ZBTB20: variants seen among roughly 807,000 people sequenced by gnomAD.
ZBTB20 encodes zinc finger and BTB domain containing 20.
A neutral mutation model predicts 56.9 loss-of-function variants in ZBTB20; 9 were observed. The ratio of observed to expected loss-of-function variants is 0.16; its 90% confidence interval spans 0.10 to 0.28. The LOEUF is 0.28. Among genes scored for constraint, ZBTB20 ranks in the 10% least tolerant of loss-of-function variants. ZBTB20 has a pLI of 1.00. For missense variants in ZBTB20, 655 were observed against 1,003.0 expected (o/e 0.65, Z 4.69); for synonymous variants, 417 against 420.7 (o/e 0.99, Z 0.11).
At chr3:114,807,404 C>T (rs1465754604) in intron 4 of ZBTB20, among the ~76,000 whole-genome samples, 4 of 151,840 alleles carry the variant, frequency 2.6e-5, no homozygotes, top group East Asian at 1.9e-4. Context: ...GCTGGTCTGT[C>T]TAACCCTTCT....
chr3:114,652,614 T>C (rs1421379996), intron 6 of ZBTB20, among the ~76,000 whole-genome samples: 1 of 152,016 alleles, frequency 6.6e-6, no homozygotes, highest in African/African-American at 2.4e-5. Context: ...ACAGAAAGTC[T>C]TGAAATTAGG....
chr3:114,406,045 T>C (rs765209993), intron 7 of ZBTB20, among the ~76,000 whole-genome samples: 14 of 150,560 alleles, frequency 9.3e-5, no homozygotes, highest in Non-Finnish European at 1.8e-4. Flanking sequence ...GTAGAAACAC[T>C]GGGTAAATGT....
At position 114,323,734 on chromosome 3, in the gene ZBTB20, G is replaced by A. The variant is rs1421596957; in HGVS notation, c.*15271C>T. On this transcript the variant is annotated 3_prime_UTR_variant, in exon 12 of 12. Transcript: ENST00000675478. Reference sequence around the variant, plus strand: ...TCAGCTTCTTTACAGTAAGAAAACAGATCCTATCAGCATGGTGGTTCCTAG... The same window carrying A: ...TCAGCTTCTTTACAGTAAGAAAACAAATCCTATCAGCATGGTGGTTCCTAG... The A allele has an allele frequency of 6.6e-6, 1 of 152,152 alleles. No individual in the cohort carries two copies. Among genetic ancestry groups the A allele is most frequent in the African/African-American group, 2.4e-5 (1 of 41,448 alleles). The allele number at this position is 152,152 out of a possible 1,614,324, so 9.4% of individuals were successfully genotyped here.
chr3:114,991,231 T>C (rs1371775280), intron 2 of ZBTB20, among the ~76,000 whole-genome samples: 1 of 152,198 alleles, frequency 6.6e-6, no homozygotes, highest in Admixed American at 6.5e-5. Flanking sequence ...CTGCTTTCTC[T>C]TGTGGGCATT....
At chr3:114,984,265 T>A (rs928441890) in intron 2 of ZBTB20, among the ~76,000 whole-genome samples, 1 of 152,000 alleles carries the variant, frequency 6.6e-6, no homozygotes. Context: ...ATATATATAT[T>A]TTTATTATAC....
chr3:114,917,245 A>T (rs756558726), intron 3 of ZBTB20, among the ~76,000 whole-genome samples: 11 of 152,248 alleles, frequency 7.2e-5, no homozygotes, highest in Non-Finnish European at 1.2e-4. Flanking sequence ...CTATTTGTTA[A>T]ATTTGTCTGA....
At chr3:114,764,331 G>C (rs1478192251) in intron 5 of ZBTB20, among the ~76,000 whole-genome samples, 1 of 151,128 alleles carries the variant, frequency 6.6e-6, no homozygotes, top group Non-Finnish European at 1.5e-5. Flanking sequence ...TATGCTCACT[G>C]TGGCAGAAGT....
chr3:114,829,843 G>GT (rs902109400), intron 4 of ZBTB20, among the ~76,000 whole-genome samples: 101 of 151,708 alleles, frequency 6.7e-4, no homozygotes, highest in Middle Eastern at 3.4e-3. Flanking sequence ...GTGCTGCTTG[G>GT]TTTTTCATAA....
chr3:115,081,962 A>G (rs2082812841), intron 1 of ZBTB20, among the ~76,000 whole-genome samples: 1 of 152,192 alleles, frequency 6.6e-6, no homozygotes, highest in African/African-American at 2.4e-5. Context: ...TATAGATAGC[A>G]TCTACATTTA....
chr3:114,848,408 A>G (rs1036459923), intron 4 of ZBTB20, among the ~76,000 whole-genome samples: 1 of 152,216 alleles, frequency 6.6e-6, no homozygotes, highest in Non-Finnish European at 1.5e-5. Context: ...AGTGCAAGTC[A>G]GCCTGATTAT....
intron 5 of ZBTB20, among the ~76,000 whole-genome samples, chr3:114,712,795 T>C (rs2108447362): frequency 6.6e-6 from 1 of 152,324 alleles, no homozygotes; most frequent in East Asian, 1.9e-4. Flanking sequence ...AAATATATAA[T>C]GTAACTATTA....
chr3:114,855,061 A>G (rs2075182337), intron 4 of ZBTB20, among the ~76,000 whole-genome samples: 2 of 152,182 alleles, frequency 1.3e-5, no homozygotes, highest in South Asian at 4.1e-4. Context: ...TTTGGCCATA[A>G]TGCATCGAAT....
At chr3:114,436,306 G>A (rs1270683551) in intron 7 of ZBTB20, among the ~76,000 whole-genome samples, 1 of 152,140 alleles carries the variant, frequency 6.6e-6, no homozygotes, top group Non-Finnish European at 1.5e-5. Flanking sequence ...GGTGCTCTTA[G>A]GAGTTCCCGT....
intron 6 of ZBTB20, among the ~76,000 whole-genome samples, chr3:114,536,721 G>A (rs1391538439): frequency 1.3e-5 from 2 of 152,054 alleles, no homozygotes; most frequent in Non-Finnish European, 2.9e-5. Context: ...GAGGCATCAC[G>A]CTACCTGACT....
At chr3:114,454,206 GAGAGA>G in intron 7 of ZBTB20, among the ~76,000 whole-genome samples, 1 of 128,718 alleles carries the variant, frequency 7.8e-6, no homozygotes, top group South Asian at 2.7e-4. Flanking sequence ...GAGAGAGAGA[GAGAGA>G]AATTGGAGCT....
chr3:115,097,252 C>A (rs1164058621), intron 1 of ZBTB20, among the ~76,000 whole-genome samples: 1 of 152,166 alleles, frequency 6.6e-6, no homozygotes, highest in East Asian at 1.9e-4. Context: ...GATCTCGGCT[C>A]ACTACAACCT....
chr3:114,826,169 A>G (rs2073513001), intron 4 of ZBTB20, among the ~76,000 whole-genome samples: 1 of 151,800 alleles, frequency 6.6e-6, no homozygotes, highest in Admixed American at 6.6e-5. Context: ...GGTATGGTTG[A>G]GATTAAAGCC....
intron 6 of ZBTB20, among the ~76,000 whole-genome samples, chr3:114,503,088 A>C (rs2044191956): frequency 6.6e-6 from 1 of 152,198 alleles, no homozygotes; most frequent in Non-Finnish European, 1.5e-5. Context: ...TGATGTGATC[A>C]AAAGAGATCA....
intron 2 of ZBTB20, among the ~76,000 whole-genome samples, chr3:115,059,159 G>A (rs1240550425): frequency 1.3e-5 from 2 of 151,948 alleles, no homozygotes; most frequent in East Asian, 3.9e-4. Flanking sequence ...ATTTCTGAAC[G>A]TTTTTTCATT....
Sources: allele counts gnomAD v4.1 joint callset (sites outside exome capture counted in the v4.1 genomes callset), GRCh38; gene constraint gnomAD v4.1.1; transcripts MANE v1.5; gene names NCBI Gene and HGNC (gene_info 2026-07-23, HGNC 2026-07-21).